Variants in COPA observed in about 807,000 individuals in gnomAD.
The protein encoded by COPA is coat protein complex I subunit alpha.
COPA carries 10 observed loss-of-function variants against 158.7 expected under a neutral mutation model. The observed-to-expected ratio is 0.06, with a 90% CI of 0.04 to 0.11. The LOEUF (loss-of-function observed/expected upper bound fraction) is 0.11. Ranked by LOEUF, COPA falls within the 10% of genes least tolerant of loss-of-function variation. COPA has a pLI of 1.00. For synonymous variants in COPA, 462 were observed against 542.8 expected, an observed-to-expected ratio of 0.85 and a Z score of 2.07; for missense variants, 1,065 against 1,536.7, an observed-to-expected ratio of 0.69 and a Z score of 5.13.
Position 160,340,259 on chromosome 1 carries a change from T to C in COPA, c.76A>G (p.Thr26Ala). The C allele has an allele frequency of 6.2e-7, 1 of 1,613,676 alleles. No individual in the cohort carries two copies. Among genetic ancestry groups the C allele is most frequent in the South Asian group, 1.1e-5 (1 of 91,078 alleles). Reference protein sequence around the residue: ...SFHPKRPWILTSLHNGVIQLW... With the variant: ...SFHPKRPWILASLHNGVIQLW... ...TGGATGACCCCATTATGTAAACTAG[T>C]CAGGATCCAAGGTCTTTTGGGGTGA... Residue 26 changes from threonine to alanine, a missense_variant, in exon 2 of 33, where the codon ACT becomes GCT. Around this residue, in one of 2 missense-constraint regions of COPA, gnomAD observed 85 missense variants for 178.9 expected, o/e 0.48. Coordinates refer to ENST00000241704, the MANE Select transcript of COPA (RefSeq NM_004371.4).
intron 13 of COPA, 53 bp from the exon 14 acceptor site, chr1:160,307,298 G>T: frequency 1.3e-6 from 2 of 1,563,002 alleles, no homozygotes; most frequent in South Asian, 2.2e-5. Context: ...ACTGGCAGGT[G>T]ACATAGTCGG....
intron 31 of COPA, 129 bp from the exon 32 acceptor site, chr1:160,290,815 C>G: frequency 1.2e-6 from 1 of 812,862 alleles, no homozygotes; most frequent in Non-Finnish European, 2.0e-6. Context: ...AGGTCCCAAC[C>G]TCTGTACTGG....
In COPA at chr1:160,306,537, T is replaced by C. The variant is rs776846055; in HGVS notation, c.1303-44A>G. 19 of 1,608,100 alleles carry C rather than the reference T, an allele frequency of 1.2e-5. No homozygotes were observed. In the Middle Eastern group the frequency reaches 9.9e-4, roughly 84 times the overall value. ...ATGGGGTTAAGAGAAGAAATGTGTA[T>C]AGATGATGATGACAACTGATGATGT... On this transcript the variant is annotated intron_variant, in intron 14 of 32. Transcript: ENST00000241704.
chr1:160,342,509 C>G (rs1367251324), intron 1 of COPA, among the ~76,000 whole-genome samples: 1 of 152,154 alleles, frequency 6.6e-6, no homozygotes, highest in African/African-American at 2.4e-5. Flanking sequence ...TAAGCAACGA[C>G]AGACTAAAAA....
intron 7 of COPA, among the ~76,000 whole-genome samples, chr1:160,324,344 G>A (rs150920537): frequency 7.5e-6 from 1 of 133,804 alleles, no homozygotes; most frequent in East Asian, 2.3e-4. Context: ...AGGCTGGAGT[G>A]TAGTGGTGCA....
At chr1:160,310,324 T>C in intron 11 of COPA, 66 bp from the exon 12 acceptor site, 8 of 910,856 alleles carry the variant, frequency 8.8e-6, no homozygotes, top group Non-Finnish European at 1.4e-5. Context: ...AAGAAAGGAA[T>C]CACCCCCACA....
intron 23 of COPA, among the ~76,000 whole-genome samples, chr1:160,295,245 C>T (rs1309776457): frequency 1.3e-5 from 2 of 152,060 alleles, no homozygotes; most frequent in African/African-American, 2.4e-5. Flanking sequence ...TGGGGTTTGG[C>T]ACAAAATGCT....
chr1:160,341,377 T>G (rs1648037882), intron 1 of COPA, among the ~76,000 whole-genome samples: 1 of 152,228 alleles, frequency 6.6e-6, no homozygotes. Flanking sequence ...TCTTTTTAAC[T>G]ACAAGGGACA....
At chr1:160,312,164 G>A (rs879536026) in intron 10 of COPA, 146 bp from the exon 11 acceptor site, 9 of 737,506 alleles carry the variant, frequency 1.2e-5, no homozygotes, top group African/African-American at 3.6e-5. Context: ...CACAATTCTT[G>A]GAATCTTTAT....
intron 9 of COPA, among the ~76,000 whole-genome samples, chr1:160,313,712 C>T (rs534854605): frequency 6.6e-6 from 1 of 152,318 alleles, no homozygotes; most frequent in Non-Finnish European, 1.5e-5. Context: ...CGCGCCCGGC[C>T]TCATTCCGCA....
chr1:160,326,395 C>T (rs1475680967), intron 6 of COPA, among the ~76,000 whole-genome samples: 3 of 152,134 alleles, frequency 2.0e-5, no homozygotes, highest in Admixed American at 1.3e-4. Context: ...GGTGCAGTGG[C>T]GCGAGCCTGT....
At chr1:160,309,977 G>C (rs1275785159) in intron 12 of COPA, among the ~76,000 whole-genome samples, 1 of 152,068 alleles carries the variant, frequency 6.6e-6, no homozygotes, top group Non-Finnish European at 1.5e-5. Flanking sequence ...GCTCCATTAA[G>C]TTCAGCTTTA....
At chr1:160,297,830 T>C (rs1035779648) in intron 19 of COPA, 85 bp from the exon 20 acceptor site, 21 of 1,385,876 alleles carry the variant, frequency 1.5e-5, no homozygotes, top group African/African-American at 4.3e-5. Context: ...TGCATCTATA[T>C]AGATTTCCTG....
chr1:160,301,545 G>A (rs931986554), intron 17 of COPA, among the ~76,000 whole-genome samples: 1 of 152,182 alleles, frequency 6.6e-6, no homozygotes, highest in African/African-American at 2.4e-5. Flanking sequence ...GGCCACGGCA[G>A]GCCGACTGCT....
chr1:160,333,541 G>T, intron 5 of COPA, 62 bp downstream of exon 5: 1 of 1,162,946 alleles, frequency 8.6e-7, no homozygotes, highest in South Asian at 1.3e-5. Flanking sequence ...TCTAAGAGAA[G>T]CTCATTATGA....
rs1025303148 is a variant in COPA, at chr1:160,335,399, C to G, written c.229-77G>C. 3 of 1,155,102 alleles carry G rather than the reference C, an allele frequency of 2.6e-6. No individual in the cohort carries two copies. The African/African-American group carries it at 4.7e-5, about 18-fold the overall frequency. The allele number at this position is 1,155,102 out of a possible 1,614,324, so 71.6% of individuals were successfully genotyped here. A position where few individuals can be genotyped will look rare whatever the true frequency, so the allele number is the denominator to read the frequency against. On this transcript the variant is annotated intron_variant, in intron 3 of 32. Coordinates refer to ENST00000241704, the MANE Select transcript of COPA (RefSeq NM_004371.4). The stretch of plus-strand genomic sequence containing the variant: ...AGGCTCAGAGAAATTGATATCTTTA[C>G]AGAGATAGAAATATGTATATAAATA...
At chr1:160,314,179 G>A in intron 8 of COPA, 54 bp from the exon 9 acceptor site, 1 of 1,548,110 alleles carries the variant, frequency 6.5e-7, no homozygotes, top group Non-Finnish European at 8.7e-7. Context: ...ATAACTTTAG[G>A]ATTTGGAGAT....
At chr1:160,323,954 C>T (rs1396099889) in intron 7 of COPA, among the ~76,000 whole-genome samples, 4 of 151,898 alleles carry the variant, frequency 2.6e-5, no homozygotes, top group Non-Finnish European at 4.4e-5. Context: ...CTCTGCCTCC[C>T]GGGTTCAAGT....
chr1:160,325,775 A>C, intron 6 of COPA, 123 bp from the exon 7 acceptor site: 2 of 712,568 alleles, frequency 2.8e-6, no homozygotes, highest in Non-Finnish European at 4.8e-6. Context: ...AGACTGAAGA[A>C]AGAAAAGAGA....
Sources: allele counts gnomAD v4.1 joint callset (sites outside exome capture counted in the v4.1 genomes callset), GRCh38; gene constraint gnomAD v4.1.1; regional missense constraint gnomAD v4.1.1; transcripts MANE v1.5; gene names NCBI Gene and HGNC (gene_info 2026-07-23, HGNC 2026-07-21).